Variants in TOP2B observed in about 807,000 individuals in gnomAD.
TOP2B encodes DNA topoisomerase II beta.
A neutral mutation model predicts 193.5 loss-of-function variants in TOP2B; 51 were observed. The observed-to-expected ratio is 0.26, with a 90% CI of 0.21 to 0.33. TOP2B has a LOEUF of 0.33. Among genes scored for constraint, TOP2B ranks in the 10% least tolerant of loss-of-function variants. TOP2B has a pLI of 1.00. For missense variants in TOP2B, 1,378 were observed against 1,909.3 expected (o/e 0.72, Z 5.19); for synonymous variants, 634 against 635.7 (o/e 1.00, Z 0.04).
Position 25,598,326 on chromosome 3 carries a change from T to G in TOP2B, c.4862A>C (p.Asp1621Ala). The change falls in exon 36 of 36, where the codon GAT (aspartate) becomes GCT (alanine). Residue 1621 changes from aspartate (D) to alanine (A), a missense_variant. Physicochemically the swap from Asp to Ala is moderately radical, Grantham distance 126. Around this residue, in one of 9 missense-constraint regions of TOP2B, gnomAD observed 556 missense variants for 584.2 expected, o/e 0.95. Transcript: ENST00000264331. Reference protein sequence around the residue: ...AESDEEEDDVDFAMFN With the variant: ...AESDEEEDDVAFAMFN Reference sequence around the variant, plus strand: ...GGGCACTTAATTAAACATTGCAAAATCAACATCATCTTCTTCTTCATCAGA... The same window carrying G: ...GGGCACTTAATTAAACATTGCAAAAGCAACATCATCTTCTTCTTCATCAGA... 1 of 1,609,426 alleles carries G rather than the reference T, an allele frequency of 6.2e-7. No homozygotes were observed. The highest frequency in any genetic ancestry group is 1.3e-5 in the African/African-American group (1 of 74,852).
chr3:25,633,999 T>G lies in TOP2B; in HGVS notation c.868A>C (p.Ser290Arg). Residue 290 changes from serine to arginine, a missense_variant, in exon 8 of 36, where the codon AGT becomes CGT. Transcript: ENST00000264331. The stretch of plus-strand genomic sequence containing the variant: ...TCTTTCACATAAAGATCTACATAAC[T>G]GCGAAATCCATTTACCTATTAATTT... ...GKKLPVNGFR[S>R]YVDLYVKDKL... 6.2e-7 allele frequency: 1 copy of G among 1,603,572 alleles called. No individual in the cohort carries two copies. Among genetic ancestry groups the G allele is most frequent in the Non-Finnish European group, 8.5e-7 (1 of 1,176,834 alleles).
At chr3:25,659,652 A>T (rs1703852472) in intron 1 of TOP2B, among the ~76,000 whole-genome samples, 1 of 152,228 alleles carries the variant, frequency 6.6e-6, no homozygotes, top group African/African-American at 2.4e-5. Flanking sequence ...TTCACAGCCC[A>T]TACTCTTAGC....
At chr3:25,663,408 T>C (rs939513634) in intron 1 of TOP2B, among the ~76,000 whole-genome samples, 2 of 152,216 alleles carry the variant, frequency 1.3e-5, no homozygotes, top group African/African-American at 2.4e-5. Flanking sequence ...GTCTGAACTC[T>C]ACGCTGAGCA....
intron 1 of TOP2B, among the ~76,000 whole-genome samples, chr3:25,645,805 G>A (rs901251694): frequency 6.6e-6 from 1 of 152,088 alleles, no homozygotes; most frequent in Non-Finnish European, 1.5e-5. Flanking sequence ...TGTCACCCAG[G>A]CTAGAGTGCA....
chr3:25,653,650 A>T (rs942333754), intron 1 of TOP2B, among the ~76,000 whole-genome samples: 1 of 151,922 alleles, frequency 6.6e-6, no homozygotes, highest in Admixed American at 6.6e-5. Context: ...GGATGGTCTT[A>T]AACTCCTGGC....
chr3:25,630,683 T>C, intron 11 of TOP2B, 118 bp downstream of exon 11: 4 of 1,073,372 alleles, frequency 3.7e-6, no homozygotes, highest in Non-Finnish European at 2.6e-6. Context: ...TTCAATGAAG[T>C]AAAATCATAC....
chr3:25,648,616 G>A (rs1703480910), intron 1 of TOP2B, among the ~76,000 whole-genome samples: 1 of 152,140 alleles, frequency 6.6e-6, no homozygotes, highest in African/African-American at 2.4e-5. Context: ...CAGCACTTTG[G>A]GAGGCTGAGG....
chr3:25,614,621 TAA>T (rs879768320), intron 27 of TOP2B, among the ~76,000 whole-genome samples: 1 of 145,992 alleles, frequency 6.8e-6, no homozygotes, highest in African/African-American at 2.5e-5. Context: ...AAAGCAACTT[TAA>T]AAAAAAAAAG....
chr3:25,598,199 A>AATTACATCATC lies in TOP2B; in HGVS notation c.*97_*107dup. The AATTACATCATC allele has an allele frequency of 2.5e-6, 3 of 1,192,896 alleles. No homozygotes were observed. Among genetic ancestry groups the AATTACATCATC allele is most frequent in the Non-Finnish European group, 3.5e-6 (3 of 857,192 alleles). The allele number at this position is 1,192,896 out of a possible 1,614,324, so 73.9% of individuals were successfully genotyped here. On this transcript the variant is annotated 3_prime_UTR_variant, in exon 36 of 36. Coordinates refer to ENST00000264331, the MANE Select transcript of TOP2B (RefSeq NM_001330700.2). ...CCTACCACAATAATAAAAAACCGTC[A>AATTACATCATC]ATTACATCATCACATTAAAATAAGC...
At chr3:25,643,810 T>G (rs751910442) in intron 2 of TOP2B, 26 bp from the exon 3 acceptor site, 7 of 1,562,828 alleles carry the variant, frequency 4.5e-6, no homozygotes, top group Non-Finnish European at 5.3e-6. Context: ...CAAAAAAAAT[T>G]TTACTCAATA....
At chr3:25,623,478 T>C in intron 21 of TOP2B, 37 bp downstream of exon 21, 1 of 1,565,060 alleles carries the variant, frequency 6.4e-7, no homozygotes, top group Non-Finnish European at 8.8e-7. Flanking sequence ...TTACACATTA[T>C]CATTTGTTAA....
chr3:25,663,514 G>A (rs999567437), intron 1 of TOP2B, among the ~76,000 whole-genome samples: 5 of 152,110 alleles, frequency 3.3e-5, no homozygotes, highest in African/African-American at 1.2e-4. Flanking sequence ...AGAACTGAGC[G>A]TCGAAATCCT....
At chr3:25,602,803 G>A (rs1279055482) in intron 33 of TOP2B, among the ~76,000 whole-genome samples, 1 of 152,156 alleles carries the variant, frequency 6.6e-6, no homozygotes, top group African/African-American at 2.4e-5. Flanking sequence ...GAGTACTATA[G>A]CTGCCTTTCT....
chr3:25,662,178 C>T (rs1219604235), intron 1 of TOP2B, among the ~76,000 whole-genome samples: 1 of 152,264 alleles, frequency 6.6e-6, no homozygotes, highest in East Asian at 1.9e-4. Flanking sequence ...CTCAATGCAA[C>T]CTTATTTGAC....
intron 25 of TOP2B, chr3:25,618,181 T>C (rs1032217798): frequency 1.9e-5 from 9 of 466,556 alleles, no homozygotes; most frequent in Non-Finnish European, 3.0e-5. Flanking sequence ...TTCTCACACC[T>C]GGAGTCATTT....
rs753042096 is a variant in TOP2B at position 25,612,713 on chromosome 3, A to C, written c.3592-4T>G. 10 of 1,611,702 alleles carry C rather than the reference A, an allele frequency of 6.2e-6. No individual in the cohort carries two copies. The African/African-American group carries it at 1.2e-4, about 19-fold the overall frequency. Reference sequence around the variant, plus strand: ...CTCGTTCTTGAGATTCCACTTTCTAAAGTATAATCATAAGGCAGAAGGAAC... The same window carrying C: ...CTCGTTCTTGAGATTCCACTTTCTACAGTATAATCATAAGGCAGAAGGAAC... On this transcript the variant is annotated splice_polypyrimidine_tract_variant and splice_region_variant and intron_variant, in intron 27 of 35. Coordinates refer to ENST00000264331, the MANE Select transcript of TOP2B (RefSeq NM_001330700.2).
intron 2 of TOP2B, 138 bp from the exon 3 acceptor site, chr3:25,643,922 A>G (rs1306302584): frequency 5.2e-6 from 3 of 577,100 alleles, no homozygotes; most frequent in Non-Finnish European, 9.2e-6. Flanking sequence ...AACTTCAGTA[A>G]TAGTCAACTT....
intron 23 of TOP2B, 102 bp downstream of exon 23, chr3:25,619,760 C>G (rs940200353): frequency 5.6e-5 from 38 of 681,362 alleles, no homozygotes; most frequent in Non-Finnish European, 8.6e-5. Context: ...AAAAAAAATG[C>G]CTTCAGGCTT....
intron 33 of TOP2B, among the ~76,000 whole-genome samples, chr3:25,602,094 A>G (rs1002531537): frequency 6.6e-6 from 1 of 152,130 alleles, no homozygotes; most frequent in Non-Finnish European, 1.5e-5. Context: ...CTGCAGTTCT[A>G]TGTGAAAACT....
Sources: allele counts gnomAD v4.1 joint callset (sites outside exome capture counted in the v4.1 genomes callset), GRCh38; gene constraint gnomAD v4.1.1; regional missense constraint gnomAD v4.1.1; transcripts MANE v1.5; gene names NCBI Gene and HGNC (gene_info 2026-07-23, HGNC 2026-07-21).